Variants in CPNE5 observed in about 807,000 individuals in gnomAD.
CPNE5 encodes the protein copine-5.
Under a neutral mutation model 81.1 loss-of-function variants are expected in CPNE5, and 42 were observed. The ratio of observed to expected loss-of-function variants is 0.52; its 90% CI spans 0.40 to 0.67. CPNE5 has a LOEUF of 0.67. Among genes scored for constraint, CPNE5 ranks in the 30% least tolerant of loss-of-function variants. The probability of loss-of-function intolerance (pLI) is 0.00; values close to 1 mark genes in which losing one functional copy is unlikely to be tolerated. For missense variants in CPNE5, 612 were observed against 815.5 expected (o/e 0.75, Z 3.04); for synonymous variants, 313 against 321.5 (o/e 0.97, Z 0.28).
In CPNE5 at chr6:36,792,038, A is replaced by G. The variant is rs762725491; in HGVS notation, c.523T>C (p.Cys175Arg). ...TGGAGTCCTCTGCCACTCACCCTAC[A>G]GTTGCTGAGCTCCTCAGCGGACAGG... ...IILSAEELSNCRDVATMQFCA... is the reference protein window; with the variant it reads ...IILSAEELSNRRDVATMQFCA... The change falls in exon 8 of 21, where the codon TGT becomes CGT. Residue 175 changes from cysteine to arginine, a missense_variant. By Grantham distance (180) the Cys-to-Arg change is radical. Coordinates refer to ENST00000244751, the MANE Select transcript of CPNE5 (RefSeq NM_020939.2). 8.1e-6 allele frequency: 13 copies of G among 1,613,752 alleles called. No individual in the cohort carries two copies. The highest frequency in any genetic ancestry group is 1.1e-5 in the Non-Finnish European group (13 of 1,179,800).
chr6:36,827,883 T>G (rs183608643), intron 1 of CPNE5: 1 of 373,868 alleles, frequency 2.7e-6, no homozygotes, highest in Non-Finnish European at 3.7e-6. Flanking sequence ...TTTTTTTTTT[T>G]TCTAAAAGAG....
Position 36,746,995 on chromosome 6 carries a change from A to G in CPNE5, c.1019-418T>C, listed in dbSNP as rs1412321254. ...CGCAAGCACTCATGATCTGGCCTCC[A>G]GGTCATCTCCTACCCTCCTCCCTGT... is the stretch of plus-strand genomic sequence containing the variant. On this transcript the variant is annotated intron_variant, in intron 15 of 20. Coordinates refer to ENST00000244751, the MANE Select transcript of CPNE5 (RefSeq NM_020939.2). This position sits in a 1 kb window ranked among gnomAD's most constrained non-coding sequence, Gnocchi z 4.5. 6.6e-6 allele frequency among the ~76,000 whole-genome samples: 1 copy of G among 151,904 alleles called. No homozygotes were observed. Among genetic ancestry groups the G allele is most frequent in the Non-Finnish European group, 1.5e-5 (1 of 67,984 alleles).
At position 36,742,409 on chromosome 6, in the gene CPNE5, C is replaced by A; in HGVS notation, c.1641G>T (p.Leu547=). 6.2e-7 allele frequency: 1 copy of A among 1,613,772 alleles called. No individual in the cohort carries two copies. The highest frequency in any genetic ancestry group is 8.5e-7 in the Non-Finnish European group (1 of 1,180,004). The part of the protein sequence containing the change: ...LSMARLARDV[L]AEIPDQLVSY... Reference sequence around the variant, plus strand: ...ACACCAGTTGGTCAGGGATCTCTGCCAGCACGTCTCGGGCCAGGCGGGCCA... The same window carrying A: ...ACACCAGTTGGTCAGGGATCTCTGCAAGCACGTCTCGGGCCAGGCGGGCCA... Residue 547 remains leucine (L), a synonymous_variant, in exon 21 of 21, where the codon CTG becomes CTT. Transcript: ENST00000244751.
At chr6:36,828,374 T>C (rs9470412) in intron 1 of CPNE5, among the ~76,000 whole-genome samples, 7,089 of 139,840 alleles carry the variant, frequency 0.051, 353 homozygotes, top group African/African-American at 0.13. Flanking sequence ...GAGAGGGAGA[T>C]ACAACCCTGC....
chr6:36,836,396 G>A (rs1349067728), intron 1 of CPNE5, among the ~76,000 whole-genome samples: 1 of 152,138 alleles, frequency 6.6e-6, no homozygotes, highest in Non-Finnish European at 1.5e-5. Flanking sequence ...GGGAGTGGTA[G>A]GCCCCTTCAT....
intron 3 of CPNE5, among the ~76,000 whole-genome samples, chr6:36,802,144 A>G (rs941139552): frequency 3.7e-5 from 5 of 135,752 alleles, no homozygotes; most frequent in Non-Finnish European, 7.7e-5. Flanking sequence ...GCTTGAACCC[A>G]GGAGGCGGAG....
At chr6:36,787,514 C>T (rs187224649) in intron 8 of CPNE5, among the ~76,000 whole-genome samples, 52 of 152,190 alleles carry the variant, frequency 3.4e-4, no homozygotes, top group Non-Finnish European at 5.4e-4. Flanking sequence ...CATTTTCCTT[C>T]GGGATAGTCA....
Position 36,748,233 on chromosome 6 carries a change from T to G in CPNE5, c.1006A>C (p.Thr336Pro). 1 of 1,614,018 alleles carries G rather than the reference T, an allele frequency of 6.2e-7. No homozygotes were observed. The highest frequency in any genetic ancestry group is 8.5e-7 in the Non-Finnish European group (1 of 1,179,960). ...TCCCCCAACTCACCATTGGAGGCAG[T>G]GAAATCAATGGCCACAGTGAAGTTG... The part of the protein sequence containing the change: ...QINFTVAIDF[T>P]ASNGNPSQST... Residue 336 changes from threonine to proline, a missense_variant, in exon 15 of 21, where the codon ACT (threonine) becomes CCT (proline). Thr to Pro is a conservative substitution (Grantham distance 38). Coordinates refer to ENST00000244751, the MANE Select transcript of CPNE5 (RefSeq NM_020939.2).
At chr6:36,810,576 C>A (rs1489755841) in intron 3 of CPNE5, among the ~76,000 whole-genome samples, 1 of 152,166 alleles carries the variant, frequency 6.6e-6, no homozygotes, top group African/African-American at 2.4e-5. Flanking sequence ...GGCCTGAGAT[C>A]TGGGGACAGG....
At position 36,741,513 on chromosome 6, in the gene CPNE5, G is replaced by A. The variant is rs1366635738; in HGVS notation, c.*755C>T. On this transcript the variant is annotated 3_prime_UTR_variant, in exon 21 of 21. Transcript: ENST00000244751. Reference sequence around the variant, plus strand: ...GCACCGAGGGCCCTGGGAAGCCTCTGGAGGGAGGAAGGGATTCCTGAAGCC... The same window carrying A: ...GCACCGAGGGCCCTGGGAAGCCTCTAGAGGGAGGAAGGGATTCCTGAAGCC... 2 of 152,272 alleles carry A rather than the reference G, an allele frequency of 1.3e-5. No homozygotes were observed. The highest frequency in any genetic ancestry group is 2.9e-5 in the Non-Finnish European group (2 of 68,076). 9.4% of individuals were successfully genotyped at this position (152,272 alleles called of 1,614,324 possible). A position where few individuals can be genotyped will look rare whatever the true frequency, so the allele number is the denominator to read the frequency against.
intron 18 of CPNE5, 127 bp downstream of exon 18, chr6:36,744,921 A>C: frequency 1.5e-6 from 1 of 684,900 alleles, no homozygotes; most frequent in Non-Finnish European, 2.6e-6. Flanking sequence ...GGGAAATGAG[A>C]AGCCACGCCC....
intron 3 of CPNE5, among the ~76,000 whole-genome samples, chr6:36,806,721 C>T (rs550378594): frequency 6.6e-6 from 1 of 152,316 alleles, no homozygotes; most frequent in Non-Finnish European, 1.5e-5. Context: ...GAACGTAAAC[C>T]AAGACAGCCC....
intron 1 of CPNE5, among the ~76,000 whole-genome samples, chr6:36,835,279 A>G (rs574614820): frequency 6.6e-5 from 10 of 152,334 alleles, no homozygotes; most frequent in African/African-American, 2.4e-4. Flanking sequence ...GGAGACCTGA[A>G]AAATAGTGGC....
chr6:36,802,516 G>A (rs1015802818), intron 3 of CPNE5, among the ~76,000 whole-genome samples: 1 of 152,152 alleles, frequency 6.6e-6, no homozygotes, highest in African/African-American at 2.4e-5. Context: ...CAGGGGTGCT[G>A]TTCGTTACAA....
rs751696503 is a variant in CPNE5, at chr6:36,742,277, C to T, written c.1773G>A (p.Thr591=). 87 of 1,584,384 alleles carry T rather than the reference C, an allele frequency of 5.5e-5. No individual in the cohort carries two copies. The highest frequency in any genetic ancestry group is 6.9e-5 in the Non-Finnish European group (81 of 1,167,138). ...ARTPPASPLH[T]HI ...CCTGCTGAGACCAGGTTCAGATGTG[C>T]GTGTGCAGGGGGGACGCAGGGGGCG... Residue 591 remains threonine (T), a synonymous_variant, in exon 21 of 21, where the codon ACG becomes ACA. Transcript: ENST00000244751.
At chr6:36,799,934 C>T in intron 4 of CPNE5, 33 bp downstream of exon 4, 1 of 1,489,220 alleles carries the variant, frequency 6.7e-7, no homozygotes, top group Non-Finnish European at 9.4e-7. Flanking sequence ...TCCTCCCCAC[C>T]TGGCTGCATC....
At chr6:36,790,658 G>A (rs1341992120) in intron 8 of CPNE5, among the ~76,000 whole-genome samples, 1 of 152,134 alleles carries the variant, frequency 6.6e-6, no homozygotes, top group Non-Finnish European at 1.5e-5. Context: ...GTGCAGAGGA[G>A]CCGAGATTCC....
intron 7 of CPNE5, among the ~76,000 whole-genome samples, chr6:36,792,821 C>G (rs1769224841): frequency 6.6e-6 from 1 of 152,178 alleles, no homozygotes; most frequent in South Asian, 2.1e-4. Context: ...AGGACCCCCT[C>G]CTTCAGGCAC....
At chr6:36,773,223 G>A (rs1444271696) in intron 10 of CPNE5, among the ~76,000 whole-genome samples, 1 of 152,060 alleles carries the variant, frequency 6.6e-6, no homozygotes, top group Non-Finnish European at 1.5e-5. Flanking sequence ...GAGTGGCCCA[G>A]AGGCCCAGCT....
Sources: gnomAD v4.1 joint callset for allele counts (sites outside exome capture counted in the v4.1 genomes callset) on GRCh38, gnomAD v4.1.1 for gene constraint, Gnocchi (gnomAD v3.1) non-coding constraint, MANE v1.5 for transcripts, NCBI Gene and HGNC (gene_info 2026-07-23, HGNC 2026-07-21) for gene names.